Variants in GRM8 observed in about 807,000 individuals in gnomAD.
GRM8 encodes the protein metabotropic glutamate receptor 8.
A neutral mutation model predicts 87.2 loss-of-function variants in GRM8; 47 were observed. That is an observed-to-expected ratio of 0.54 (90% CI 0.43 to 0.69). The LOEUF is 0.69. GRM8 is among the 30% of genes least tolerant of loss of function. The pLI is 0.00. For synonymous variants in GRM8, 396 were observed against 404.5 expected (o/e 0.98, Z 0.25); for missense variants, 1,019 against 1,139.2 (o/e 0.89, Z 1.52).
chr7:127,235,286 C>T (rs944334224), intron 2 of GRM8, among the ~76,000 whole-genome samples: 4 of 152,188 alleles, frequency 2.6e-5, no homozygotes, highest in East Asian at 1.9e-4. Context: ...AAATGTGCTC[C>T]GCCCAAGAGT....
At chr7:126,581,566 C>T (rs1328396330) in intron 8 of GRM8, among the ~76,000 whole-genome samples, 1 of 152,072 alleles carries the variant, frequency 6.6e-6, no homozygotes, top group Non-Finnish European at 1.5e-5. Flanking sequence ...TACCTTCAAA[C>T]ATAAAACTGT....
intron 9 of GRM8, among the ~76,000 whole-genome samples, chr7:126,469,518 G>A (rs1249647110): frequency 6.6e-6 from 1 of 152,128 alleles, no homozygotes; most frequent in Non-Finnish European, 1.5e-5. Context: ...CTCAGTGGGA[G>A]GGAATTGAAT....
At position 126,526,850 on chromosome 7, in the gene GRM8, T is replaced by G. The variant is rs528686690; in HGVS notation, c.2430+6102A>C. Among the ~76,000 whole-genome samples, 5 of 152,370 alleles carry G rather than the reference T, an allele frequency of 3.3e-5. No homozygotes were observed. The South Asian group carries it at 1.0e-3, about 32-fold the overall frequency. On this transcript the variant is annotated intron_variant, in intron 9 of 10. Transcript: ENST00000339582. ...TGCTTCCTCTGAATCTTCACAAGCATATCATTTAAATTAAGAGCATAAATG... is the reference window on the plus strand; with the variant it reads ...TGCTTCCTCTGAATCTTCACAAGCAGATCATTTAAATTAAGAGCATAAATG...
chr7:126,458,927 A>C (rs983276162), intron 9 of GRM8, among the ~76,000 whole-genome samples: 1 of 151,244 alleles, frequency 6.6e-6, no homozygotes, highest in Non-Finnish European at 1.5e-5. Context: ...TGGTGCTTGA[A>C]GGAAAATTTA....
chr7:126,760,859 TC>T (rs1256621822), intron 7 of GRM8, among the ~76,000 whole-genome samples: 1 of 152,170 alleles, frequency 6.6e-6, no homozygotes, highest in Non-Finnish European at 1.5e-5. Context: ...ATGTTTTATG[TC>T]AATTTTTCCA....
At chr7:126,649,832 G>C (rs1803599376) in intron 7 of GRM8, among the ~76,000 whole-genome samples, 1 of 152,188 alleles carries the variant, frequency 6.6e-6, no homozygotes, top group Non-Finnish European at 1.5e-5. Flanking sequence ...ACAGGTACAG[G>C]CTGCTGTGCA....
intron 2 of GRM8, among the ~76,000 whole-genome samples, chr7:127,112,001 G>A (rs1269309309): frequency 1.4e-5 from 2 of 146,308 alleles, no homozygotes; most frequent in South Asian, 2.2e-4. Flanking sequence ...GCAATCCTGG[G>A]CACCAAGAGC....
At chr7:126,687,680 C>A (rs1808340396) in intron 7 of GRM8, among the ~76,000 whole-genome samples, 1 of 150,584 alleles carries the variant, frequency 6.6e-6, no homozygotes, top group African/African-American at 2.4e-5. Context: ...ATCTGTTTTA[C>A]AGGGTGGTTT....
chr7:127,011,813 G>A (rs1814926937), intron 3 of GRM8, among the ~76,000 whole-genome samples: 1 of 152,056 alleles, frequency 6.6e-6, no homozygotes, highest in African/African-American at 2.4e-5. Context: ...TCTCAGCCTA[G>A]AATGCCTTCC....
intron 3 of GRM8, among the ~76,000 whole-genome samples, chr7:126,969,898 T>A (rs1032439718): frequency 6.6e-6 from 1 of 152,206 alleles, no homozygotes; most frequent in East Asian, 1.9e-4. Flanking sequence ...ATGGATGTTG[T>A]GTTAGTTGTC....
intron 6 of GRM8, among the ~76,000 whole-genome samples, chr7:126,898,735 G>A (rs1195700770): frequency 6.6e-6 from 1 of 152,178 alleles, no homozygotes; most frequent in Admixed American, 6.5e-5. Context: ...TAAAGGAACA[G>A]CTACATACCT....
At chr7:126,534,423 A>C (rs1015350066) in intron 8 of GRM8, among the ~76,000 whole-genome samples, 1 of 152,212 alleles carries the variant, frequency 6.6e-6, no homozygotes, top group African/African-American at 2.4e-5. Context: ...AGATAACTAT[A>C]TTAATGTGTT....
Position 126,861,354 on chromosome 7 carries a change from C to T in GRM8, c.1156+41188G>A, listed in dbSNP as rs150018890. Among the ~76,000 whole-genome samples the T allele has an allele frequency of 6.2e-3, 946 of 151,898 alleles. 11 individuals carry two copies. The highest frequency in any genetic ancestry group is 0.021 in the African/African-American group (879 of 41,454). On this transcript the variant is annotated intron_variant, in intron 6 of 10. Coordinates refer to ENST00000339582, the MANE Select transcript of GRM8 (RefSeq NM_000845.3). The stretch of plus-strand genomic sequence containing the variant: ...TATAAATGGTAATCTACATTGTTTC[C>T]AATTTTTCACTATTAAAATCAATGC...
intron 2 of GRM8, among the ~76,000 whole-genome samples, chr7:127,126,949 T>C (rs1002377842): frequency 6.6e-6 from 1 of 151,876 alleles, no homozygotes; most frequent in Non-Finnish European, 1.5e-5. Context: ...GAAGAGAAGA[T>C]ATACAAATGG....
chr7:126,839,370 T>G (rs1389238910), intron 6 of GRM8, among the ~76,000 whole-genome samples: 1 of 152,154 alleles, frequency 6.6e-6, no homozygotes, highest in Admixed American at 6.5e-5. Flanking sequence ...GATATCCAAG[T>G]GATTTATATG....
intron 9 of GRM8, among the ~76,000 whole-genome samples, chr7:126,467,886 T>C (rs980281792): frequency 1.3e-5 from 2 of 152,028 alleles, no homozygotes; most frequent in South Asian, 2.1e-4. Flanking sequence ...TAAACTTCCA[T>C]TTACCATTCT....
intron 6 of GRM8, among the ~76,000 whole-genome samples, chr7:126,798,649 A>G (rs1321186126): frequency 1.3e-5 from 2 of 152,138 alleles, no homozygotes; most frequent in Admixed American, 6.5e-5. Flanking sequence ...GGGCCTTTGT[A>G]GAAAATCAAA....
intron 3 of GRM8, among the ~76,000 whole-genome samples, chr7:127,102,148 G>A (rs1373040307): frequency 6.6e-6 from 1 of 152,156 alleles, no homozygotes; most frequent in East Asian, 1.9e-4. Context: ...TTCAAAATGT[G>A]GCCTGGCTGC....
At chr7:126,657,661 T>C (rs1335947035) in intron 7 of GRM8, among the ~76,000 whole-genome samples, 1 of 152,238 alleles carries the variant, frequency 6.6e-6, no homozygotes, top group African/African-American at 2.4e-5. Context: ...AGTGTTTGCC[T>C]AAACATAACA....
Sources: allele counts gnomAD v4.1 joint callset (sites outside exome capture counted in the v4.1 genomes callset), GRCh38; gene constraint gnomAD v4.1.1; transcripts MANE v1.5; gene names NCBI Gene and HGNC (gene_info 2026-07-23, HGNC 2026-07-21).